TIMP3: variants seen among roughly 807,000 people sequenced by gnomAD.
TIMP3 encodes the protein TIMP metallopeptidase inhibitor 3, also known as metalloproteinase inhibitor 3.
TIMP3 carries 11 observed loss-of-function variants against 30.0 expected under a neutral mutation model. That is an observed-to-expected ratio of 0.37 (90% CI 0.23 to 0.61). The LOEUF is 0.61. TIMP3 is among the 20% of genes least tolerant of loss of function. TIMP3 has a pLI of 0.70. For synonymous variants in TIMP3, 112 were observed against 111.3 expected (o/e 1.01, Z -0.04); for missense variants, 181 against 276.8 (o/e 0.65, Z 2.45).
chr22:32,819,751 A>G lies in TIMP3; in HGVS notation c.121+17629A>G, dbSNP rs148000673. 6.5e-3 allele frequency among the ~76,000 whole-genome samples: 987 copies of G among 152,312 alleles called. 13 individuals are homozygous for G. The highest frequency in any genetic ancestry group is 0.021 in the African/African-American group (870 of 41,558). On this transcript the variant is annotated intron_variant, in intron 1 of 4. Transcript: ENST00000266085. ...TTTTCGAAAGTTCAAAAAACAGAAG[A>G]GGAGGATTCTGAAACAGCAAACTTG...
At chr22:32,813,539 G>A (rs2046973617) in intron 1 of TIMP3, among the ~76,000 whole-genome samples, 2 of 145,504 alleles carry the variant, frequency 1.4e-5, no homozygotes. Context: ...ACACACACGT[G>A]GACCAAACAA....
chr22:32,809,098 A>G (rs889518533), intron 1 of TIMP3, among the ~76,000 whole-genome samples: 2 of 152,350 alleles, frequency 1.3e-5, no homozygotes, highest in Non-Finnish European at 1.5e-5. Flanking sequence ...TGCCCTTACT[A>G]TGTGCCAGGC....
rs2048516908 is a variant in TIMP3 at position 32,860,911 on chromosome 22, GTGT to G, written c.*1536_*1538del. 1.0e-5 allele frequency: 1 copy of G among 98,832 alleles called. No individual in the cohort carries two copies. The highest frequency in any genetic ancestry group is 1.9e-5 in the Non-Finnish European group (1 of 51,438). 6.1% of individuals were successfully genotyped at this position (98,832 alleles called of 1,614,324 possible). On this transcript the variant is annotated 3_prime_UTR_variant, in exon 5 of 5. Coordinates refer to ENST00000266085, the MANE Select transcript of TIMP3 (RefSeq NM_000362.5). The stretch of plus-strand genomic sequence containing the variant: ...TGCAACCAGTTGTAGGGTTTCTGTT[GTGT>G]TTTTTTTTTTTTTTTTGAAATAAAA...
At chr22:32,843,760 A>G (rs1319496032) in intron 1 of TIMP3, among the ~76,000 whole-genome samples, 2 of 152,140 alleles carry the variant, frequency 1.3e-5, no homozygotes, top group Admixed American at 6.5e-5. Flanking sequence ...CCATCAGAAG[A>G]GCAGCCCCTT....
intron 2 of TIMP3, among the ~76,000 whole-genome samples, chr22:32,850,442 T>G (rs888633607): frequency 1.3e-5 from 2 of 152,158 alleles, no homozygotes; most frequent in Non-Finnish European, 1.5e-5. Flanking sequence ...AAGGGTGTAC[T>G]GGTGATTGCC....
Position 32,821,161 on chromosome 22 carries a change from A to C in TIMP3, c.121+19039A>C, listed in dbSNP as rs945330453. Among the ~76,000 whole-genome samples, 52 of 152,328 alleles carry C rather than the reference A, an allele frequency of 3.4e-4. 1 individual carries two copies. The highest frequency in any genetic ancestry group is 1.2e-3 in the African/African-American group (50 of 41,580). ...ATGAACTTAGAGTCAAAAAAAGCAG[A>C]GATGGAATCCCGTCTCTGCCTTTTA... On this transcript the variant is annotated intron_variant, in intron 1 of 4. Transcript: ENST00000266085.
Position 32,861,272 on chromosome 22 carries a change from A to G in TIMP3, c.*1895A>G, listed in dbSNP as rs2048530652. ...TGGCAGAACCGCAGAGTGGGAAGAG[A>G]GTACCGGCATCGGGTTTCCTTGGGA... On this transcript the variant is annotated 3_prime_UTR_variant, in exon 5 of 5. Coordinates refer to ENST00000266085, the MANE Select transcript of TIMP3 (RefSeq NM_000362.5). The G allele has an allele frequency of 6.6e-6, 1 of 152,190 alleles. No homozygotes were observed. The highest frequency in any genetic ancestry group is 1.5e-5 in the Non-Finnish European group (1 of 68,028). 9.4% of individuals were successfully genotyped at this position (152,190 alleles called of 1,614,324 possible).
intron 1 of TIMP3, among the ~76,000 whole-genome samples, chr22:32,819,180 G>A (rs1312570631): frequency 1.3e-5 from 2 of 152,232 alleles, no homozygotes; most frequent in Non-Finnish European, 2.9e-5. Flanking sequence ...GAGGAAATAA[G>A]CTGTGTTGGC....
intron 2 of TIMP3, 36 bp from the exon 3 acceptor site, chr22:32,857,213 G>A (rs767291085): frequency 1.9e-6 from 3 of 1,545,394 alleles, no homozygotes; most frequent in Non-Finnish European, 2.7e-6. Context: ...GTCCAAACTG[G>A]GAAAGAAGAA....
chr22:32,860,868 C>T lies in TIMP3; in HGVS notation c.*1491C>T, dbSNP rs1425051536. On this transcript the variant is annotated 3_prime_UTR_variant, in exon 5 of 5. Coordinates refer to ENST00000266085, the MANE Select transcript of TIMP3 (RefSeq NM_000362.5). The stretch of plus-strand genomic sequence containing the variant: ...CTCTTGGAATTAAAATTGTTGGTCA[C>T]TGGGGAAAGCCTGAGTTTGCAACCA... 6.6e-6 allele frequency: 1 copy of T among 150,874 alleles called. No homozygotes were observed. The highest frequency in any genetic ancestry group is 1.5e-5 in the Non-Finnish European group (1 of 67,882). The allele number at this position is 150,874 out of a possible 1,614,324, so 9.3% of individuals were successfully genotyped here.
At chr22:32,812,412 G>A (rs903750895) in intron 1 of TIMP3, among the ~76,000 whole-genome samples, 2 of 152,176 alleles carry the variant, frequency 1.3e-5, no homozygotes, top group Non-Finnish European at 2.9e-5. Flanking sequence ...TTGGAGCAGG[G>A]CTGATTTGCC....
chr22:32,840,626 C>T (rs2047869418), intron 1 of TIMP3, among the ~76,000 whole-genome samples: 1 of 152,016 alleles, frequency 6.6e-6, no homozygotes, highest in African/African-American at 2.4e-5. Context: ...TCCAGCTGCT[C>T]TCCTTACCGC....
intron 1 of TIMP3, 96 bp from the exon 2 acceptor site, chr22:32,849,356 C>G: frequency 9.7e-7 from 1 of 1,032,500 alleles, no homozygotes; most frequent in Non-Finnish European, 1.5e-6. Context: ...AGTGCAATTC[C>G]AGGCTCCACA....
At chr22:32,838,816 C>T (rs150540609) in intron 1 of TIMP3, among the ~76,000 whole-genome samples, 103 of 152,028 alleles carry the variant, frequency 6.8e-4, no homozygotes, top group African/African-American at 2.4e-3. Flanking sequence ...TTCATTCATT[C>T]AACATTTTTG....
chr22:32,849,373 A>G, intron 1 of TIMP3, 79 bp from the exon 2 acceptor site: 4 of 1,235,422 alleles, frequency 3.2e-6, no homozygotes, highest in South Asian at 2.5e-5. Context: ...CACAGAGGCT[A>G]GCGTGCCCGC....
chr22:32,851,689 C>T (rs2048222683), intron 2 of TIMP3, among the ~76,000 whole-genome samples: 1 of 152,168 alleles, frequency 6.6e-6, no homozygotes. Flanking sequence ...GATCTGATCC[C>T]CAAGCTGAGG....
intron 1 of TIMP3, among the ~76,000 whole-genome samples, chr22:32,807,394 A>ATAT (rs1569239923): frequency 2.0e-5 from 2 of 100,620 alleles, no homozygotes; most frequent in African/African-American, 7.8e-5. Context: ...TATTATATAT[A>ATAT]ATATATATAT....
In TIMP3 at chr22:32,816,906, C is replaced by T. The variant is rs746000850; in HGVS notation, c.121+14784C>T. ...AATCAGTGTTTCTCAAGGTGTGATC[C>T]TTGCACCACCAATCTTAAGAAATGT... On this transcript the variant is annotated intron_variant, in intron 1 of 4. Transcript: ENST00000266085. 2.0e-5 allele frequency among the ~76,000 whole-genome samples: 3 copies of T among 152,218 alleles called. No homozygotes were observed. In the South Asian group the frequency reaches 6.2e-4, roughly 32 times the overall value.
At chr22:32,822,516 CA>C (rs1266669539) in intron 1 of TIMP3, among the ~76,000 whole-genome samples, 10 of 152,232 alleles carry the variant, frequency 6.6e-5, no homozygotes, top group Non-Finnish European at 1.3e-4. Context: ...CAAACATGTG[CA>C]TACACTTTAA....
Sources: gnomAD v4.1 joint callset for allele counts (sites outside exome capture counted in the v4.1 genomes callset) on GRCh38, gnomAD v4.1.1 for gene constraint, MANE v1.5 for transcripts, NCBI Gene and HGNC (gene_info 2026-07-23, HGNC 2026-07-21) for gene names.